Variants in RBFOX1 observed in about 807,000 individuals in gnomAD.
RBFOX1 encodes the protein RNA binding fox-1 homolog 1.
In RBFOX1, 8 loss-of-function variants were observed where a neutral mutation model predicts 57.7. That is an observed-to-expected ratio of 0.14 (90% CI 0.08 to 0.25). RBFOX1 has a LOEUF of 0.25. RBFOX1 is among the 10% of genes least tolerant of loss of function. The pLI is 1.00. For missense variants in RBFOX1, 611 were observed against 548.5 expected, an observed-to-expected ratio of 1.11 and a Z score of -1.14; for synonymous variants, 326 against 222.4, an observed-to-expected ratio of 1.47 and a Z score of -4.15.
chr16:7,022,969 G>A (rs1484528692), intron 3 of RBFOX1, among the ~76,000 whole-genome samples: 1 of 152,168 alleles, frequency 6.6e-6, no homozygotes, highest in Non-Finnish European at 1.5e-5. Flanking sequence ...CAGGAAGGAG[G>A]CAGAATGGGC....
At chr16:6,382,991 G>A (rs1450165611) in intron 2 of RBFOX1, among the ~76,000 whole-genome samples, 1 of 152,208 alleles carries the variant, frequency 6.6e-6, no homozygotes, top group Non-Finnish European at 1.5e-5. Flanking sequence ...AGCCAGCCCA[G>A]GGCTCAGCTG....
intron 4 of RBFOX1, among the ~76,000 whole-genome samples, chr16:7,323,857 A>G (rs534626125): frequency 2.0e-5 from 3 of 152,338 alleles, no homozygotes; most frequent in South Asian, 2.1e-4. Context: ...TCTGATACAT[A>G]ATTCTCAAAA....
chr16:6,011,060 C>T (rs148674984), intron 4 of RBFOX1, among the ~76,000 whole-genome samples: 2 of 152,150 alleles, frequency 1.3e-5, no homozygotes, highest in Non-Finnish European at 2.9e-5. Context: ...GCTTAAATAT[C>T]TTTACTTATC....
At chr16:5,535,004 A>G (rs1302786756) in intron 2 of RBFOX1, among the ~76,000 whole-genome samples, 1 of 152,226 alleles carries the variant, frequency 6.6e-6, no homozygotes, top group East Asian at 1.9e-4. Context: ...CATGCCTGGG[A>G]AATCACAATG....
intron 4 of RBFOX1, among the ~76,000 whole-genome samples, chr16:7,209,716 C>G (rs1051283215): frequency 6.6e-6 from 1 of 152,194 alleles, no homozygotes; most frequent in Non-Finnish European, 1.5e-5. Context: ...CCTCCCTTCA[C>G]TGAGTGTAAC....
At chr16:6,964,302 A>C (rs901427322) in intron 3 of RBFOX1, among the ~76,000 whole-genome samples, 11 of 152,178 alleles carry the variant, frequency 7.2e-5, no homozygotes, top group Non-Finnish European at 1.5e-4. Flanking sequence ...TATAGGCATG[A>C]GCTGTTGTGC....
chr16:6,793,001 G>T (rs141040489), intron 3 of RBFOX1, among the ~76,000 whole-genome samples: 1 of 150,796 alleles, frequency 6.6e-6, no homozygotes, highest in African/African-American at 2.4e-5. Flanking sequence ...TGCACTGCAG[G>T]CTGGGCGACA....
chr16:5,559,981 A>G (rs1330561270), intron 2 of RBFOX1, among the ~76,000 whole-genome samples: 3 of 152,078 alleles, frequency 2.0e-5, no homozygotes, highest in Non-Finnish European at 4.4e-5. Flanking sequence ...TTGATATTCT[A>G]TCCGTCTCCC....
In RBFOX1 at chr16:7,121,921, AG is replaced by A. The variant is rs2067275268; in HGVS notation, c.27+69824del. Among the ~76,000 whole-genome samples the A allele has an allele frequency of 3.4e-5, 5 of 145,296 alleles. No individual in the cohort carries two copies. The South Asian group carries it at 1.1e-3, about 32-fold the overall frequency. On this transcript the variant is annotated intron_variant, in intron 4 of 15. Transcript: ENST00000550418. ...CTTAGAAAAGGTACAAAATCAAAGG[AG>A]AAATGATTTTGTTTTCAACAACTGG...
chr16:7,155,782 T>A lies in RBFOX1; in HGVS notation c.27+103684T>A, dbSNP rs559926766. Among the ~76,000 whole-genome samples, 599 of 142,288 alleles carry A rather than the reference T, an allele frequency of 4.2e-3. 8 individuals are homozygous for A. Among genetic ancestry groups the A allele is most frequent in the African/African-American group, 0.015 (576 of 37,846 alleles). 93.3% of individuals were successfully genotyped at this position (142,288 alleles called of 152,430 possible). On this transcript the variant is annotated intron_variant, in intron 4 of 15. Coordinates refer to ENST00000550418, the MANE Select transcript of RBFOX1 (RefSeq NM_018723.4). Reference sequence around the variant, plus strand: ...ACACACACATATATATACAGACACATATATAATCATTCAGCTATTCTAATA... The same window carrying A: ...ACACACACATATATATACAGACACAAATATAATCATTCAGCTATTCTAATA...
At chr16:7,263,424 T>G (rs538603725) in intron 4 of RBFOX1, among the ~76,000 whole-genome samples, 38 of 152,142 alleles carry the variant, frequency 2.5e-4, no homozygotes, top group Non-Finnish European at 4.0e-4. Flanking sequence ...GCAGGGCTCC[T>G]TGGAGAGTTT....
intron 5 of RBFOX1, among the ~76,000 whole-genome samples, chr16:7,541,635 G>C (rs578118010): frequency 6.6e-6 from 1 of 151,988 alleles, no homozygotes; most frequent in East Asian, 1.9e-4. Context: ...ATCTATTTCT[G>C]AAATCAAAAT....
chr16:6,997,584 A>G (rs948103801), intron 3 of RBFOX1, among the ~76,000 whole-genome samples: 1 of 152,218 alleles, frequency 6.6e-6, no homozygotes, highest in African/African-American at 2.4e-5. Context: ...AATTTAAGAT[A>G]CAAAAGATAG....
intron 4 of RBFOX1, among the ~76,000 whole-genome samples, chr16:7,450,371 C>T (rs972249755): frequency 3.6e-5 from 4 of 110,810 alleles, no homozygotes; most frequent in South Asian, 6.4e-4. Context: ...TCCAGCCTGG[C>T]GACAGAGCAA....
chr16:6,343,751 A>G (rs761686873), intron 2 of RBFOX1, among the ~76,000 whole-genome samples: 1 of 152,214 alleles, frequency 6.6e-6, no homozygotes, highest in African/African-American at 2.4e-5. Flanking sequence ...ACTCGTCTTG[A>G]GATTTGAATC....
At chr16:6,764,856 G>C (rs2077107605) in intron 3 of RBFOX1, among the ~76,000 whole-genome samples, 2 of 152,046 alleles carry the variant, frequency 1.3e-5, no homozygotes, top group Non-Finnish European at 2.9e-5. Context: ...AGAATCTCTT[G>C]AACCCAGAAG....
chr16:7,449,728 GT>G (rs201796834), intron 4 of RBFOX1, among the ~76,000 whole-genome samples: 1,365 of 69,422 alleles, frequency 0.02, 26 homozygotes, highest in African/African-American at 0.067. Flanking sequence ...GTGTGTGTGT[GT>G]GGGGGGGGGG....
At chr16:7,447,332 C>G (rs920436007) in intron 4 of RBFOX1, among the ~76,000 whole-genome samples, 2 of 150,006 alleles carry the variant, frequency 1.3e-5, no homozygotes, top group Non-Finnish European at 3.0e-5. Context: ...ACTTGGGAGG[C>G]TGAGGCAGAA....
intron 4 of RBFOX1, among the ~76,000 whole-genome samples, chr16:7,207,222 G>A (rs192759341): frequency 1.3e-5 from 2 of 152,276 alleles, no homozygotes; most frequent in Non-Finnish European, 2.9e-5. Flanking sequence ...TCATTTTTAT[G>A]TATATGGCAT....
Sources: gnomAD v4.1 joint callset for allele counts (sites outside exome capture counted in the v4.1 genomes callset) on GRCh38, gnomAD v4.1.1 for gene constraint, MANE v1.5 for transcripts, NCBI Gene and HGNC (gene_info 2026-07-23, HGNC 2026-07-21) for gene names.